TEX15: variants seen among roughly 807,000 people sequenced by gnomAD.
TEX15 encodes the protein testis-expressed protein 15.
A neutral mutation model predicts 237.3 loss-of-function variants in TEX15; 171 were observed. The ratio of observed to expected loss-of-function variants is 0.72; its 90% confidence interval spans 0.64 to 0.82. The LOEUF is 0.82. Among genes scored for constraint, TEX15 ranks in the 40% least tolerant of loss-of-function variants. The pLI is 0.00. For missense variants in TEX15, 3,750 were observed against 3,646.5 expected, an observed-to-expected ratio of 1.03 and a Z score of -0.73; for synonymous variants, 1,338 against 1,269.8, an observed-to-expected ratio of 1.05 and a Z score of -1.14.
Position 30,836,969 on chromosome 8 carries a change from T to C in TEX15, c.9315A>G (p.Gln3105=). The C allele has an allele frequency of 1.2e-6, 2 of 1,614,180 alleles. No individual in the cohort carries two copies. The highest frequency in any genetic ancestry group is 1.7e-6 in the Non-Finnish European group (2 of 1,180,028). ...CATTCACTGGCACAAAGCCATTTGC[T>C]TGTGGCTCCCCCGCAAAATAAGTAA... The part of the protein sequence containing the change: ...QYFTYFAGEP[Q]ANGFVPVNGY... Residue 3105 remains glutamine (Q), a synonymous_variant, in exon 10 of 11, where the codon CAA becomes CAG. Transcript: ENST00000643185.
rs1266319313 is a variant in TEX15 at position 30,847,957 on chromosome 8, G to A, written c.2210C>T (p.Thr737Ile). The change falls in exon 8 of 11, where the codon ACA becomes ATA. Residue 737 changes from threonine to isoleucine, a missense_variant. Physicochemically the swap from Thr to Ile is moderately conservative, Grantham distance 89. Transcript: ENST00000643185. ...HSVEYEGNIH[T>I]SLAIAQKLME... ...TAGCTTTTGAGCAATGGCTAAACTT[G>A]TATGAATGTTACCCTCATACTCCAC... 6.2e-7 allele frequency: 1 copy of A among 1,613,928 alleles called. No individual in the cohort carries two copies.
Position 30,844,200 on chromosome 8 carries a change from G to A in TEX15, c.5967C>T (p.Cys1989=). 6.2e-7 allele frequency: 1 copy of A among 1,611,692 alleles called. No individual in the cohort carries two copies. Among genetic ancestry groups the A allele is most frequent in the Non-Finnish European group, 8.5e-7 (1 of 1,179,096 alleles). ...CTATAAGGGCCGTATGATTAGCTGA[G>A]CAATGTTTTTCTTTAAAATCACTCA... The part of the protein sequence containing the change: ...SYVSDFKEKH[C]SANHTALIAN... Residue 1989 remains cysteine, a synonymous_variant, in exon 8 of 11, where the codon TGC becomes TGT. Transcript: ENST00000643185.
At position 30,841,792 on chromosome 8, in the gene TEX15, G is replaced by C. The variant is rs1034717933; in HGVS notation, c.8163+212C>G. Among the ~76,000 whole-genome samples the C allele has an allele frequency of 9.1e-4, 138 of 152,242 alleles. 2 individuals are homozygous for C. Among genetic ancestry groups the C allele is most frequent in the Admixed American group, 8.7e-3 (133 of 15,288 alleles). ...TTAAAACATTTACGTTTAAAAAGTAGACATTTGCAAGGTATCACCTATACA... is the reference window on the plus strand; with the variant it reads ...TTAAAACATTTACGTTTAAAAAGTACACATTTGCAAGGTATCACCTATACA... On this transcript the variant is annotated intron_variant, in intron 8 of 10. Transcript: ENST00000643185.
Position 30,845,329 on chromosome 8 carries a change from T to C in TEX15, c.4838A>G (p.Asn1613Ser), listed in dbSNP as rs1194702024. 1 of 1,612,654 alleles carries C rather than the reference T, an allele frequency of 6.2e-7. No individual in the cohort carries two copies. The highest frequency in any genetic ancestry group is 1.7e-5 in the Admixed American group (1 of 59,864). ...ENSCDANEVINESNSVSLSCI... is the reference protein window; with the variant it reads ...ENSCDANEVISESNSVSLSCI... ...ACTTAAAGATACAGAATTACTTTCA[T>C]TTATTACTTCATTAGCGTCACAACT... Residue 1613 changes from asparagine (N) to serine (S), a missense_variant, in exon 8 of 11, where the codon AAT (asparagine) becomes AGT (serine). By Grantham distance (46) the Asn-to-Ser change is conservative (BLOSUM62 1). Coordinates refer to ENST00000643185, the MANE Select transcript of TEX15 (RefSeq NM_001350162.2).
In TEX15 at chr8:30,842,711, C is replaced by A. The variant is rs763239718; in HGVS notation, c.7456G>T (p.Val2486Phe). 1.1e-5 allele frequency: 17 copies of A among 1,613,272 alleles called. No homozygotes were observed. The highest frequency in any genetic ancestry group is 1.4e-5 in the Non-Finnish European group (17 of 1,179,804). The stretch of plus-strand genomic sequence containing the variant: ...GAAGCCATTTTTTCTTGGCACTGAA[C>A]CAGCTCAGGAAGAAGTGACAAATCA... ...WFDLSLLPEL[V>F]QCQEKMASFS... The change falls in exon 8 of 11, where the codon GTT (valine) becomes TTT (phenylalanine). Residue 2486 changes from valine (V) to phenylalanine (F), a missense_variant. Physicochemically the swap from Val to Phe is conservative, Grantham distance 50. Transcript: ENST00000643185.
intron 7 of TEX15, among the ~76,000 whole-genome samples, chr8:30,853,351 GA>G: frequency 6.6e-6 from 1 of 152,154 alleles, no homozygotes; most frequent in East Asian, 1.9e-4. Context: ...ACAGCCTATG[GA>G]ACACCCTGCC....
At position 30,848,076 on chromosome 8, in the gene TEX15, G is replaced by C. The variant is rs773285838; in HGVS notation, c.2091C>G (p.Thr697=). 5.6e-6 allele frequency: 9 copies of C among 1,612,218 alleles called. No homozygotes were observed. In the African/African-American group the frequency reaches 1.2e-4, roughly 22 times the overall value. ...ELEITKSSTS[T]IKDKDELDHL... ...GATCTAGTTCATCCTTATCCTTTAT[G>C]GTAGATGTAGAAGATTTTGTTATTT... The change falls in exon 8 of 11, where the codon ACC becomes ACG. Residue 697 remains threonine, a synonymous_variant. Transcript: ENST00000643185.
intron 2 of TEX15, chr8:30,890,479 C>T (rs1808774600): frequency 1.3e-5 from 2 of 152,134 alleles, no homozygotes; most frequent in Admixed American, 1.3e-4. Flanking sequence ...AGCTCACCTC[C>T]CACTCCCTTC....
Position 30,846,479 on chromosome 8 carries a change from C to T in TEX15, c.3688G>A (p.Gly1230Arg). ...DKVDNIRQES[G>R]PVSNSEISLS... Reference sequence around the variant, plus strand: ...GAGATTTCAGAGTTACTCACTGGCCCTGATTCTTGCCTTATATTATCAACT... The same window carrying T: ...GAGATTTCAGAGTTACTCACTGGCCTTGATTCTTGCCTTATATTATCAACT... Residue 1230 changes from glycine to arginine, a missense_variant, in exon 8 of 11, where the codon GGG (glycine) becomes AGG (arginine). Coordinates refer to ENST00000643185, the MANE Select transcript of TEX15 (RefSeq NM_001350162.2). 6 of 1,613,404 alleles carry T rather than the reference C, an allele frequency of 3.7e-6. No individual in the cohort carries two copies. Among genetic ancestry groups the T allele is most frequent in the Non-Finnish European group, 5.1e-6 (6 of 1,179,720 alleles).
At chr8:30,870,609 T>G (rs972585938) in intron 4 of TEX15, among the ~76,000 whole-genome samples, 7 of 152,028 alleles carry the variant, frequency 4.6e-5, no homozygotes, top group Admixed American at 3.9e-4. Context: ...GATAACTTAA[T>G]AATTTTCAAA....
chr8:30,861,885 T>C (rs1010418724), intron 5 of TEX15, among the ~76,000 whole-genome samples: 5 of 151,980 alleles, frequency 3.3e-5, no homozygotes, highest in Admixed American at 6.6e-5. Context: ...AATAAGTAAT[T>C]CACTAAATAC....
intron 3 of TEX15, among the ~76,000 whole-genome samples, chr8:30,885,389 T>G (rs868681662): frequency 1.3e-5 from 2 of 151,966 alleles, no homozygotes; most frequent in South Asian, 2.1e-4. Flanking sequence ...CTGCATAAGC[T>G]CTCTCTCTTT....
chr8:30,874,420 CAAT>C (rs980324219), intron 4 of TEX15, among the ~76,000 whole-genome samples: 5 of 152,056 alleles, frequency 3.3e-5, no homozygotes, highest in African/African-American at 1.2e-4. Flanking sequence ...ATCAAAATGA[CAAT>C]AATATGCCTT....
chr8:30,867,316 C>A lies in TEX15; in HGVS notation c.489G>T (p.Leu163Phe). 1 of 1,524,030 alleles carries A rather than the reference C, an allele frequency of 6.6e-7. No individual in the cohort carries two copies. The highest frequency in any genetic ancestry group is 1.2e-5 in the South Asian group (1 of 83,754). 94.4% of individuals were successfully genotyped at this position (1,524,030 alleles called of 1,614,324 possible). ...TAATGCTTTGACTATGAGAATAATT[C>A]AAGGCAATATCAACATGTCTAAACA... is the stretch of plus-strand genomic sequence containing the variant. ...IYMFRHVDIA[L>F]NYSHSQSITV... Residue 163 changes from leucine to phenylalanine, a missense_variant, in exon 5 of 11, where the codon TTG becomes TTT. Transcript: ENST00000643185.
chr8:30,847,196 T>C lies in TEX15; in HGVS notation c.2971A>G (p.Thr991Ala), dbSNP rs1453686795. 8.1e-6 allele frequency: 13 copies of C among 1,613,892 alleles called. No homozygotes were observed. Among genetic ancestry groups the C allele is most frequent in the South Asian group, 2.2e-5 (2 of 91,080 alleles). Residue 991 changes from threonine (T) to alanine (A), a missense_variant, in exon 8 of 11, where the codon ACT becomes GCT. Transcript: ENST00000643185. ...TTATTTAGGCTTAATGCAGGCATAG[T>C]AGCACTAGCTATCTGTATTGCAGCA... ...SNAAIQIASA[T>A]MPALSLNNDD...
At chr8:30,851,470 A>G (rs1807781889) in intron 7 of TEX15, among the ~76,000 whole-genome samples, 1 of 151,720 alleles carries the variant, frequency 6.6e-6, no homozygotes, top group Non-Finnish European at 1.5e-5. Context: ...TCTCTACTAA[A>G]AATACAAAAA....
At chr8:30,839,698 C>T (rs1486204131) in intron 9 of TEX15, among the ~76,000 whole-genome samples, 1 of 152,140 alleles carries the variant, frequency 6.6e-6, no homozygotes, top group African/African-American at 2.4e-5. Context: ...GCCTTTAATA[C>T]TTACAGAATG....
chr8:30,910,621 T>TC (rs1172042205), intron 1 of TEX15, among the ~76,000 whole-genome samples: 1 of 149,318 alleles, frequency 6.7e-6, no homozygotes, highest in Non-Finnish European at 1.5e-5. Flanking sequence ...TTTTTTTTTT[T>TC]TTTTTTTTTT....
chr8:30,842,193 ATTCATTT>A lies in TEX15; in HGVS notation c.7967_7973del (p.Lys2656IlefsTer5). 4 of 1,612,042 alleles carry A rather than the reference ATTCATTT, an allele frequency of 2.5e-6. No individual in the cohort carries two copies. Among genetic ancestry groups the A allele is most frequent in the Non-Finnish European group, 3.4e-6 (4 of 1,179,342 alleles). On this transcript the variant is annotated frameshift_variant, in exon 8 of 11. Coordinates refer to ENST00000643185, the MANE Select transcript of TEX15 (RefSeq NM_001350162.2). LOFTEE classifies it high-confidence loss of function. The stretch of plus-strand genomic sequence containing the variant: ...TTTCCCCAGGTTTTACAATATGAAT[ATTCATTT>A]TTTCTTTTCTCTTCAGCTGTAAAAT...
Sources: gnomAD v4.1 joint callset for allele counts (sites outside exome capture counted in the v4.1 genomes callset) on GRCh38, gnomAD v4.1.1 for gene constraint, MANE v1.5 for transcripts, NCBI Gene and HGNC (gene_info 2026-07-23, HGNC 2026-07-21) for gene names.